The following RBFOX1 variants were observed in gnomAD, a reference collection of about 807,000 sequenced individuals.
RBFOX1 encodes the protein RNA binding fox-1 homolog 1, also known as RNA binding protein fox-1 homolog 1.
In RBFOX1, 8 loss-of-function variants were observed where a neutral mutation model predicts 57.7. The ratio of observed to expected loss-of-function variants is 0.14; its 90% confidence interval spans 0.08 to 0.25. The LOEUF is 0.25. Among genes scored for constraint, RBFOX1 ranks in the 10% least tolerant of loss-of-function variants. The pLI is 1.00. For missense variants in RBFOX1, 611 were observed against 548.5 expected, an observed-to-expected ratio of 1.11 and a Z score of -1.14; for synonymous variants, 326 against 222.4, an observed-to-expected ratio of 1.47 and a Z score of -4.15.
At chr16:7,700,966 C>T (rs1233593044) in intron 14 of RBFOX1, among the ~76,000 whole-genome samples, 1 of 152,058 alleles carries the variant, frequency 6.6e-6, no homozygotes, top group South Asian at 2.1e-4. Flanking sequence ...ATGCATAGTT[C>T]TGATGTATGA....
intron 3 of RBFOX1, among the ~76,000 whole-genome samples, chr16:5,772,018 A>G (rs929482048): frequency 1.3e-5 from 2 of 152,112 alleles, no homozygotes; most frequent in African/African-American, 2.4e-5. Context: ...TTAAAAATAC[A>G]AAAGTTAGCT....
At chr16:7,679,444 G>C (rs2074194641) in intron 14 of RBFOX1, among the ~76,000 whole-genome samples, 1 of 152,144 alleles carries the variant, frequency 6.6e-6, no homozygotes, top group Admixed American at 6.5e-5. Flanking sequence ...GTCCAAAATA[G>C]GAAGTAAAAT....
intron 1 of RBFOX1, among the ~76,000 whole-genome samples, chr16:6,297,273 T>C (rs2078231866): frequency 6.6e-6 from 1 of 152,144 alleles, no homozygotes; most frequent in Non-Finnish European, 1.5e-5. Flanking sequence ...ATGCCTTAAC[T>C]GTCTGGGAAT....
intron 3 of RBFOX1, among the ~76,000 whole-genome samples, chr16:6,732,154 C>A (rs2068775495): frequency 1.3e-5 from 2 of 152,162 alleles, no homozygotes; most frequent in South Asian, 2.1e-4. Context: ...TTCCCCTATA[C>A]ATCTGATCCC....
chr16:7,478,524 T>A (rs756451396), intron 4 of RBFOX1, among the ~76,000 whole-genome samples: 30 of 152,232 alleles, frequency 2.0e-4, no homozygotes, highest in Non-Finnish European at 4.1e-4. Context: ...CCTGGTACCA[T>A]GTCTGAAGTT....
At chr16:6,851,423 A>G (rs1254156641) in intron 3 of RBFOX1, among the ~76,000 whole-genome samples, 1 of 152,186 alleles carries the variant, frequency 6.6e-6, no homozygotes, top group Admixed American at 6.5e-5. Flanking sequence ...TCTGTATATT[A>G]CTTATTAAAT....
chr16:5,480,745 A>G (rs932531505), intron 2 of RBFOX1, among the ~76,000 whole-genome samples: 2 of 152,106 alleles, frequency 1.3e-5, no homozygotes, highest in Non-Finnish European at 2.9e-5. Flanking sequence ...TGTATCTTGG[A>G]GCCCCTTCCA....
intron 4 of RBFOX1, among the ~76,000 whole-genome samples, chr16:5,974,122 A>G (rs887268): frequency 0.5 from 76,245 of 152,046 alleles, 19,261 homozygotes; most frequent in Middle Eastern, 0.56. Flanking sequence ...AATAGAATAC[A>G]TTCTTAACCA....
intron 1 of RBFOX1, among the ~76,000 whole-genome samples, chr16:5,391,954 A>G (rs2066423028): frequency 6.6e-6 from 1 of 151,984 alleles, no homozygotes; most frequent in Non-Finnish European, 1.5e-5. Context: ...ACTCAGCCAT[A>G]AAAAGGAATG....
intron 2 of RBFOX1, among the ~76,000 whole-genome samples, chr16:6,653,889 G>C (rs144698199): frequency 1.2e-3 from 179 of 151,512 alleles, no homozygotes; most frequent in African/African-American, 4.0e-3. Flanking sequence ...TGGATGAATG[G>C]ATAAAAAGAT....
rs372470332 is a variant in RBFOX1 at position 6,079,170 on chromosome 16, G to C, written c.-127+59178G>C. 5.3e-3 allele frequency among the ~76,000 whole-genome samples: 804 copies of C among 152,040 alleles called. 11 individuals carry two copies. Among genetic ancestry groups the C allele is most frequent in the African/African-American group, 0.019 (767 of 41,458 alleles). On this transcript the variant is annotated intron_variant, in intron 1 of 15. Transcript: ENST00000550418. ...CTGAAAATAAAGAAAATTACCAGCC[G>C]CATTACATGCCTGTAATCCCAGCTA...
intron 1 of RBFOX1, among the ~76,000 whole-genome samples, chr16:5,361,388 C>G (rs1200674246): frequency 2.0e-5 from 3 of 152,122 alleles, no homozygotes; most frequent in African/African-American, 7.2e-5. Context: ...TAAAACAGCA[C>G]CGGAGATATC....
intron 3 of RBFOX1, among the ~76,000 whole-genome samples, chr16:5,731,870 C>T (rs1449348676): frequency 2.0e-5 from 3 of 152,082 alleles, no homozygotes; most frequent in African/African-American, 4.8e-5. Flanking sequence ...AAGACACCAC[C>T]ATATCTCACA....
intron 2 of RBFOX1, among the ~76,000 whole-genome samples, chr16:6,565,102 G>T (rs1485163182): frequency 7.1e-6 from 1 of 140,166 alleles, no homozygotes; most frequent in Non-Finnish European, 1.5e-5. Context: ...CTGCACTCCA[G>T]CCTGGGTGGG....
At chr16:5,863,845 C>T (rs761640931) in intron 3 of RBFOX1, among the ~76,000 whole-genome samples, 20 of 152,114 alleles carry the variant, frequency 1.3e-4, no homozygotes, top group Non-Finnish European at 2.1e-4. Flanking sequence ...TTTTAGTCTC[C>T]TCTTTAATAA....
chr16:6,999,110 C>G (rs2092533078), intron 3 of RBFOX1, among the ~76,000 whole-genome samples: 1 of 150,358 alleles, frequency 6.7e-6, no homozygotes. Flanking sequence ...TTCAGGTGAT[C>G]CGCCCGCCTC....
chr16:7,556,175 C>G (rs2088390323), intron 5 of RBFOX1, among the ~76,000 whole-genome samples: 1 of 152,158 alleles, frequency 6.6e-6, no homozygotes, highest in Admixed American at 6.5e-5. Flanking sequence ...ATCATGACCA[C>G]CATTTATAAG....
intron 1 of RBFOX1, among the ~76,000 whole-genome samples, chr16:6,122,736 G>A (rs1257047168): frequency 6.6e-6 from 1 of 151,976 alleles, no homozygotes; most frequent in East Asian, 1.9e-4. Context: ...GGAAAAAAAA[G>A]CCACGGGACC....
chr16:6,884,370 G>A (rs1463754859), intron 3 of RBFOX1, among the ~76,000 whole-genome samples: 1 of 152,164 alleles, frequency 6.6e-6, no homozygotes, highest in Non-Finnish European at 1.5e-5. Flanking sequence ...GACAACAGTT[G>A]CTCTGCCCTC....
Sources: allele counts gnomAD v4.1 joint callset (sites outside exome capture counted in the v4.1 genomes callset), GRCh38; gene constraint gnomAD v4.1.1; transcripts MANE v1.5; gene names NCBI Gene and HGNC (gene_info 2026-07-23, HGNC 2026-07-21).